The following COX19 variants were observed in gnomAD, a reference collection of about 807,000 sequenced individuals.
The protein encoded by COX19 is cytochrome c oxidase assembly factor COX19.
Under a neutral mutation model 6.8 loss-of-function variants are expected in COX19, and 8 were observed. That is an observed-to-expected ratio of 1.18 (90% CI 0.69 to 2.12). The LOEUF is 2.12. Among genes scored for constraint, COX19 ranks in the 30% most tolerant of loss-of-function variants. COX19 has a pLI of 0.00. For missense variants in COX19, 131 were observed against 104.6 expected, an observed-to-expected ratio of 1.25 and a Z score of -1.10; for synonymous variants, 51 against 38.0, an observed-to-expected ratio of 1.34 and a Z score of -1.26.
Position 968,917 on chromosome 7 carries a change from CT to C in COX19, c.*460del, listed in dbSNP as rs72201515. ...TTCTCACTTCCTACTTTGTGTTCCA[CT>C]TTTTTTTTTTTTCAAAGGAAATGAA... On this transcript the variant is annotated 3_prime_UTR_variant, in exon 3 of 3. Coordinates refer to ENST00000344111, the MANE Select transcript of COX19 (RefSeq NM_001031617.3). 22,021 of 147,030 alleles carry C rather than the reference CT, an allele frequency of 0.15. 2,019 individuals are homozygous for C. Among genetic ancestry groups the C allele is most frequent in the African/African-American group, 0.26 (10,402 of 40,258 alleles). 9.1% of individuals were successfully genotyped at this position (147,030 alleles called of 1,614,324 possible).
chr7:975,001 C>T (rs1307408489), intron 1 of COX19: 1 of 160,156 alleles, frequency 6.2e-6, no homozygotes, highest in Non-Finnish European at 1.4e-5. Context: ...GAGGCAACCC[C>T]ACCGGAATAC....
At chr7:975,322 C>T (rs1847689933) in intron 1 of COX19, 106 bp downstream of exon 1, 19 of 873,586 alleles carry the variant, frequency 2.2e-5, no homozygotes, top group Non-Finnish European at 2.9e-5. Context: ...GCCTCAGTTT[C>T]CCCGCCTGCA....
At position 975,449 on chromosome 7, in the gene COX19, T is replaced by G. The variant is rs759188085; in HGVS notation, c.61A>C (p.Ser21Arg). 1.9e-6 allele frequency: 3 copies of G among 1,599,426 alleles called. No homozygotes were observed. The highest frequency in any genetic ancestry group is 2.6e-6 in the Non-Finnish European group (3 of 1,174,714). ...SFQPRPPDKG[S>R]FPLDHLGECK... ...TCACCTAAGTGATCCAGCGGGAAGC[T>G]GCCCTTGTCCGGGGGCCGCGGCTGG... Residue 21 changes from serine to arginine, a missense_variant, in exon 1 of 3, where the codon AGC becomes CGC. By Grantham distance (110) the Ser-to-Arg change is moderately radical (BLOSUM62 -1). Coordinates refer to ENST00000344111, the MANE Select transcript of COX19 (RefSeq NM_001031617.3).
At position 967,388 on chromosome 7, in the gene COX19, T is replaced by C. The variant is rs752703058; in HGVS notation, c.*1990A>G. The C allele has an allele frequency of 6.6e-6, 1 of 152,280 alleles. No homozygotes were observed. Among genetic ancestry groups the C allele is most frequent in the African/African-American group, 2.4e-5 (1 of 41,470 alleles). 9.4% of individuals were successfully genotyped at this position (152,280 alleles called of 1,614,324 possible). On this transcript the variant is annotated 3_prime_UTR_variant, in exon 3 of 3. Coordinates refer to ENST00000344111, the MANE Select transcript of COX19 (RefSeq NM_001031617.3). The stretch of plus-strand genomic sequence containing the variant: ...GCTCTCATCATCCACGATGTATTTC[T>C]AGTTTTTTCCATCTCAGAATACAGC...
Position 968,095 on chromosome 7 carries a change from C to T in COX19, c.*1283G>A, listed in dbSNP as rs1349532122. On this transcript the variant is annotated 3_prime_UTR_variant, in exon 3 of 3. Transcript: ENST00000344111. Reference sequence around the variant, plus strand: ...GACACGGGACAGTGACAGCTGCAGCCGAATCAGGTGGTAGAACCCATGGGT... The same window carrying T: ...GACACGGGACAGTGACAGCTGCAGCTGAATCAGGTGGTAGAACCCATGGGT... The T allele has an allele frequency of 2.6e-5, 4 of 152,268 alleles. No homozygotes were observed. The highest frequency in any genetic ancestry group is 5.9e-5 in the Non-Finnish European group (4 of 68,086). The allele number at this position is 152,268 out of a possible 1,614,324, so 9.4% of individuals were successfully genotyped here. A position where few individuals can be genotyped will look rare whatever the true frequency, so the allele number is the denominator to read the frequency against.
intron 1 of COX19, 48 bp downstream of exon 1, chr7:975,380 C>T: frequency 1.4e-6 from 2 of 1,456,496 alleles, no homozygotes; most frequent in Non-Finnish European, 1.9e-6. Context: ...GGGCCGCGAC[C>T]CAGACCCCCC....
intron 2 of COX19, among the ~76,000 whole-genome samples, chr7:971,609 C>T (rs1170014106): frequency 2.0e-5 from 3 of 152,112 alleles, no homozygotes; most frequent in Admixed American, 6.5e-5. Context: ...TAGTGGCTCA[C>T]GCCTGTAATC....
chr7:972,944 G>A (rs1847655508), intron 2 of COX19: 4 of 280,538 alleles, frequency 1.4e-5, no homozygotes, highest in Non-Finnish European at 2.0e-5. Context: ...AATGCTCTCA[G>A]GAATGCAATC....
Position 970,204 on chromosome 7 carries a change from G to A in COX19, c.195-748C>T, listed in dbSNP as rs141728516. The stretch of plus-strand genomic sequence containing the variant: ...GGCTGGAGTGCAGTGGTGCAATCTC[G>A]GCTCACTGCAGCCTCCGCCTCCCAG... On this transcript the variant is annotated intron_variant, in intron 2 of 2. Transcript: ENST00000344111. Among the ~76,000 whole-genome samples, 2,245 of 151,564 alleles carry A rather than the reference G, an allele frequency of 0.015. 121 individuals carry two copies. The East Asian group carries it at 0.21, about 14-fold the overall frequency.
chr7:973,146 G>A (rs1343509239), intron 2 of COX19, 35 bp downstream of exon 2: 4 of 1,413,388 alleles, frequency 2.8e-6, no homozygotes, highest in African/African-American at 3.0e-5. Flanking sequence ...TTGGAGTAGT[G>A]GGAGGTGGAA....
Position 970,693 on chromosome 7 carries a change from C to T in COX19, c.195-1237G>A, listed in dbSNP as rs139622512. ...CAAGTGATCTGCCCACCTCAGCCTC[C>T]CAAAGTGTTGGAATTACGGGCGTGA... is the stretch of plus-strand genomic sequence containing the variant. On this transcript the variant is annotated intron_variant, in intron 2 of 2. Coordinates refer to ENST00000344111, the MANE Select transcript of COX19 (RefSeq NM_001031617.3). 1.3e-3 allele frequency among the ~76,000 whole-genome samples: 192 copies of T among 152,252 alleles called. 6 individuals are homozygous for T. The East Asian group carries it at 0.035, about 28-fold the overall frequency.
chr7:972,334 C>T (rs545134110), intron 2 of COX19, among the ~76,000 whole-genome samples: 1 of 152,310 alleles, frequency 6.6e-6, no homozygotes, highest in African/African-American at 2.4e-5. Flanking sequence ...ATCCTTACGG[C>T]CCCAAATGTC....
At position 972,183 on chromosome 7, in the gene COX19, G is replaced by A. The variant is rs191278724; in HGVS notation, c.194+998C>T. Among the ~76,000 whole-genome samples, 18 of 152,308 alleles carry A rather than the reference G, an allele frequency of 1.2e-4. No homozygotes were observed. The East Asian group carries it at 1.4e-3, about 11-fold the overall frequency. Reference sequence around the variant, plus strand: ...ATTTAAACACGTGGCTCCAGCCAGCGTGCTACTTAAACAATCAGAGATGGT... The same window carrying A: ...ATTTAAACACGTGGCTCCAGCCAGCATGCTACTTAAACAATCAGAGATGGT... On this transcript the variant is annotated intron_variant, in intron 2 of 2. Coordinates refer to ENST00000344111, the MANE Select transcript of COX19 (RefSeq NM_001031617.3).
At chr7:974,918 A>C (rs1847683878) in intron 1 of COX19, 1 of 152,832 alleles carries the variant, frequency 6.5e-6, no homozygotes, top group South Asian at 2.0e-4. Context: ...TCGGCCTCCC[A>C]AAGGGCTGGG....
Position 966,296 on chromosome 7 carries a change from G to A in COX19, c.*3082C>T, listed in dbSNP as rs541538257. 1.3e-5 allele frequency: 2 copies of A among 152,186 alleles called. No homozygotes were observed. Among genetic ancestry groups the A allele is most frequent in the Admixed American group, 6.5e-5 (1 of 15,274 alleles). 9.4% of individuals were successfully genotyped at this position (152,186 alleles called of 1,614,324 possible). A position where few individuals can be genotyped will look rare whatever the true frequency, so the allele number is the denominator to read the frequency against. On this transcript the variant is annotated 3_prime_UTR_variant, in exon 3 of 3. Coordinates refer to ENST00000344111, the MANE Select transcript of COX19 (RefSeq NM_001031617.3). The stretch of plus-strand genomic sequence containing the variant: ...AGCTTCCTGAGTATCTGGGACTACA[G>A]GCGGGTGACACCACGCACGGCTGAC...
intron 2 of COX19, among the ~76,000 whole-genome samples, chr7:970,762 G>C (rs1562945845): frequency 6.6e-6 from 1 of 152,022 alleles, no homozygotes; most frequent in Non-Finnish European, 1.5e-5. Context: ...ATTTTTTGTA[G>C]ATATAGGGTT....
rs531007457 is a variant in COX19, at chr7:975,371, G to A, written c.82+57C>T. ...CGGCACCCCATAGGGCTCCGCGCTG[G>A]GCCGCGACCCAGACCCCCCATCGCA... On this transcript the variant is annotated intron_variant, in intron 1 of 2. Coordinates refer to ENST00000344111, the MANE Select transcript of COX19 (RefSeq NM_001031617.3). The A allele has an allele frequency of 1.4e-4, 193 of 1,400,944 alleles. No homozygotes were observed. The African/African-American group carries it at 2.6e-3, about 19-fold the overall frequency. The allele number at this position is 1,400,944 out of a possible 1,614,324, so 86.8% of individuals were successfully genotyped here. A position where few individuals can be genotyped will look rare whatever the true frequency, so the allele number is the denominator to read the frequency against.
At chr7:973,129 G>A (rs1308505455) in intron 2 of COX19, 52 bp downstream of exon 2, 50 of 1,291,050 alleles carry the variant, frequency 3.9e-5, no homozygotes, top group Non-Finnish European at 5.1e-5. Flanking sequence ...GAAAAAAAAA[G>A]TTTTAATTGG....
Position 966,051 on chromosome 7 carries a change from C to T in COX19, c.*3327G>A, listed in dbSNP as rs999747335. The T allele has an allele frequency of 1.8e-4, 27 of 152,254 alleles. No individual in the cohort carries two copies. Among genetic ancestry groups the T allele is most frequent in the African/African-American group, 6.5e-4 (27 of 41,448 alleles). 9.4% of individuals were successfully genotyped at this position (152,254 alleles called of 1,614,324 possible). A position where few individuals can be genotyped will look rare whatever the true frequency, so the allele number is the denominator to read the frequency against. Reference sequence around the variant, plus strand: ...TAATAAGACAGACCTGGCCCTCCCCCCACTGACATGTTTACGCAATTACTT... The same window carrying T: ...TAATAAGACAGACCTGGCCCTCCCCTCACTGACATGTTTACGCAATTACTT... On this transcript the variant is annotated 3_prime_UTR_variant, in exon 3 of 3. Coordinates refer to ENST00000344111, the MANE Select transcript of COX19 (RefSeq NM_001031617.3).
Sources: allele counts gnomAD v4.1 joint callset (sites outside exome capture counted in the v4.1 genomes callset), GRCh38; gene constraint gnomAD v4.1.1; transcripts MANE v1.5; gene names NCBI Gene and HGNC (gene_info 2026-07-23, HGNC 2026-07-21).